The following VPS13D variants were observed in gnomAD, a reference collection of about 807,000 sequenced individuals.
VPS13D encodes vacuolar protein sorting 13 homolog D.
A neutral mutation model predicts 461.9 loss-of-function variants in VPS13D; 187 were observed. The observed-to-expected ratio is 0.40, with a 90% CI of 0.36 to 0.46. The LOEUF (loss-of-function observed/expected upper bound fraction) is 0.46, where lower values mean the gene tolerates loss of function less well. Ranked by LOEUF, VPS13D falls within the 20% of genes least tolerant of loss-of-function variation. VPS13D has a pLI of 0.60. For synonymous variants in VPS13D, 1,951 were observed against 1,986.3 expected, an observed-to-expected ratio of 0.98 and a Z score of 0.47; for missense variants, 4,711 against 5,364.9, an observed-to-expected ratio of 0.88 and a Z score of 3.81.
rs773022511 is a variant in VPS13D at position 12,400,256 on chromosome 1, A to T, written c.11710A>T (p.Ile3904Phe). The change falls in exon 61 of 70, where the codon ATC becomes TTC. Residue 3904 changes from isoleucine (I) to phenylalanine (F), a missense_variant. By Grantham distance (21) the Ile-to-Phe change is conservative. Transcript: ENST00000620676. ...TCCCCTGAGCAATGAGAATGAGGTC[A>T]TCGAGACCGGCCCAGCTGTGCAAGT... ...VTPLSNENEV[I>F]ETGPAVQVNA... 1 of 1,614,188 alleles carries T rather than the reference A, an allele frequency of 6.2e-7. No individual in the cohort carries two copies. The highest frequency in any genetic ancestry group is 1.3e-5 in the African/African-American group (1 of 75,046).
intron 65 of VPS13D, among the ~76,000 whole-genome samples, chr1:12,451,425 A>C (rs778176414): frequency 2.0e-5 from 3 of 152,240 alleles, no homozygotes; most frequent in Non-Finnish European, 4.4e-5. Context: ...AGTGAAAGGA[A>C]GGGGAAAATC....
intron 63 of VPS13D, among the ~76,000 whole-genome samples, chr1:12,406,829 G>A (rs1292388061): frequency 6.6e-6 from 1 of 152,128 alleles, no homozygotes; most frequent in Non-Finnish European, 1.5e-5. Context: ...GGTTTCATGA[G>A]GTGGCCTACA....
intron 63 of VPS13D, among the ~76,000 whole-genome samples, chr1:12,410,668 AAAT>A (rs1223328915): frequency 6.6e-6 from 1 of 152,212 alleles, no homozygotes; most frequent in Admixed American, 6.5e-5. Context: ...AAAAATTATC[AAAT>A]AATAAGGGAA....
In VPS13D at chr1:12,403,993, A is replaced by C; in HGVS notation, c.12030+20A>C. 4.5e-6 allele frequency: 7 copies of C among 1,564,616 alleles called. No homozygotes were observed. Among genetic ancestry groups the C allele is most frequent in the Non-Finnish European group, 6.0e-6 (7 of 1,159,164 alleles). On this transcript the variant is annotated intron_variant, in intron 63 of 69. Transcript: ENST00000620676. ...CTTAAGGTGAGCTGCTATTTGGGTA[A>C]ATTTTTTTAGATGATTTTTCCTTGG...
intron 25 of VPS13D, among the ~76,000 whole-genome samples, chr1:12,303,443 T>G (rs948114874): frequency 6.6e-6 from 1 of 152,134 alleles, no homozygotes; most frequent in African/African-American, 2.4e-5. Context: ...ATGAATCAAA[T>G]GAAAGGGCAA....
At chr1:12,371,243 C>T (rs1314565676) in intron 54 of VPS13D, among the ~76,000 whole-genome samples, 1 of 152,124 alleles carries the variant, frequency 6.6e-6, no homozygotes, top group African/African-American at 2.4e-5. Flanking sequence ...AGGAAACCAC[C>T]CATCTGCTTT....
At chr1:12,351,261 T>C (rs1363779169) in intron 46 of VPS13D, among the ~76,000 whole-genome samples, 1 of 152,188 alleles carries the variant, frequency 6.6e-6, no homozygotes, top group East Asian at 1.9e-4. Context: ...GTGTTCCCCA[T>C]GAAGAGGTGC....
intron 6 of VPS13D, among the ~76,000 whole-genome samples, chr1:12,251,562 G>T (rs1214401977): frequency 6.6e-6 from 1 of 152,190 alleles, no homozygotes; most frequent in African/African-American, 2.4e-5. Context: ...GGCTGTGGCT[G>T]CTTGGGGCTG....
In VPS13D at chr1:12,486,156, G is replaced by A. The variant is rs923519637; in HGVS notation, c.12663-11344G>A. On this transcript the variant is annotated intron_variant, in intron 67 of 69. Transcript: ENST00000620676. The stretch of plus-strand genomic sequence containing the variant: ...GGCCAGTTTGACACAAGTTCAAGGA[G>A]AAGGTACCATCTCTTGCTTCTAGAG... 5.3e-5 allele frequency among the ~76,000 whole-genome samples: 8 copies of A among 152,360 alleles called. No individual in the cohort carries two copies. In the East Asian group the frequency reaches 5.8e-4, roughly 11 times the overall value.
At chr1:12,500,874 G>A (rs1646026162) in intron 68 of VPS13D, among the ~76,000 whole-genome samples, 1 of 150,934 alleles carries the variant, frequency 6.6e-6, no homozygotes, top group South Asian at 2.1e-4. Flanking sequence ...ACCAGCCTGA[G>A]CAACATGGCA....
intron 31 of VPS13D, among the ~76,000 whole-genome samples, chr1:12,319,176 G>A (rs1642965818): frequency 6.6e-6 from 1 of 152,176 alleles, no homozygotes; most frequent in Non-Finnish European, 1.5e-5. Context: ...GGATGATTTT[G>A]TGAACTTCTG....
chr1:12,261,206 A>C (rs1641098134), intron 12 of VPS13D, 57 bp downstream of exon 12: 13 of 1,588,678 alleles, frequency 8.2e-6, no homozygotes, highest in Non-Finnish European at 1.1e-5. Context: ...TATTTGTGCA[A>C]CAGCTTGTGG....
chr1:12,488,480 TTCTTAAATTTCATCTCTTC>T (rs1437146771), intron 67 of VPS13D, among the ~76,000 whole-genome samples: 1 of 152,166 alleles, frequency 6.6e-6, no homozygotes, highest in Non-Finnish European at 1.5e-5. Flanking sequence ...TACTACTTTG[TTCTTAAATTTCATCTCTTC>T]TCTTAAAAGA....
chr1:12,453,786 T>G (rs1424629803), intron 65 of VPS13D: 4 of 152,318 alleles, frequency 2.6e-5, no homozygotes, highest in African/African-American at 9.6e-5. Flanking sequence ...TACCTAAATC[T>G]GTCCTGGGCT....
At chr1:12,349,750 GA>G (rs1345770367) in intron 46 of VPS13D, among the ~76,000 whole-genome samples, 1 of 152,138 alleles carries the variant, frequency 6.6e-6, no homozygotes, top group Non-Finnish European at 1.5e-5. Flanking sequence ...TTTTGAATGA[GA>G]GATTTCAAAA....
At chr1:12,349,471 A>G in intron 46 of VPS13D, 97 bp downstream of exon 46, 2 of 1,162,866 alleles carry the variant, frequency 1.7e-6, no homozygotes, top group Non-Finnish European at 2.4e-6. Flanking sequence ...TTAGAGATTC[A>G]GTTATCTTTA....
rs115623602 is a variant in VPS13D at position 12,479,717 on chromosome 1, C to T, written c.12663-17783C>T. 3.6e-3 allele frequency among the ~76,000 whole-genome samples: 555 copies of T among 152,224 alleles called. 6 individuals are homozygous for T. The highest frequency in any genetic ancestry group is 4.8e-3 in the Non-Finnish European group (329 of 68,014). On this transcript the variant is annotated intron_variant, in intron 67 of 69. Coordinates refer to ENST00000620676, the MANE Select transcript of VPS13D (RefSeq NM_015378.4). ...CTCTCGGTCCCTCACATCGAAAGAC[C>T]TCATGATTTCAATCCAAAGCATCTG...
intron 60 of VPS13D, among the ~76,000 whole-genome samples, chr1:12,388,300 T>G (rs1644375620): frequency 6.6e-6 from 1 of 151,890 alleles, no homozygotes; most frequent in African/African-American, 2.4e-5. Flanking sequence ...TTAGGCCAGG[T>G]GAGGTGGCTC....
intron 65 of VPS13D, among the ~76,000 whole-genome samples, chr1:12,451,430 A>G (rs1189270802): frequency 6.6e-6 from 1 of 152,198 alleles, no homozygotes; most frequent in African/African-American, 2.4e-5. Flanking sequence ...AAGGAAGGGG[A>G]AAATCATTGT....
Sources: gnomAD v4.1 joint callset for allele counts (sites outside exome capture counted in the v4.1 genomes callset) on GRCh38, gnomAD v4.1.1 for gene constraint, MANE v1.5 for transcripts, NCBI Gene and HGNC (gene_info 2026-07-23, HGNC 2026-07-21) for gene names.